Variants in SLC30A8 observed in about 807,000 individuals in gnomAD.
SLC30A8 encodes proton-coupled zinc antiporter SLC30A8.
In SLC30A8, 27 loss-of-function variants were observed where a neutral mutation model predicts 36.9. The ratio of observed to expected loss-of-function variants is 0.73; its 90% CI spans 0.54 to 1.01. The LOEUF is 1.01. Among genes scored for constraint, SLC30A8 ranks in the 50% least tolerant of loss-of-function variants. The pLI is 0.00. For synonymous variants in SLC30A8, 164 were observed against 172.4 expected, an observed-to-expected ratio of 0.95 and a Z score of 0.38; for missense variants, 439 against 452.0, an observed-to-expected ratio of 0.97 and a Z score of 0.26.
intron 1 of SLC30A8, among the ~76,000 whole-genome samples, chr8:116,995,225 G>A (rs947483664): frequency 2.0e-5 from 3 of 152,042 alleles, no homozygotes; most frequent in Non-Finnish European, 4.4e-5. Context: ...AAGGTTTAAT[G>A]CATCTTTGCT....
chr8:116,966,557 TTTC>T (rs1389515386), intron 1 of SLC30A8, among the ~76,000 whole-genome samples: 12 of 152,174 alleles, frequency 7.9e-5, no homozygotes, highest in Non-Finnish European at 2.9e-5. Flanking sequence ...TAAGTAATGT[TTTC>T]TTCTTCTCTG....
chr8:116,993,584 T>C (rs1026129093), intron 1 of SLC30A8, among the ~76,000 whole-genome samples: 1 of 152,014 alleles, frequency 6.6e-6, no homozygotes, highest in Admixed American at 6.6e-5. Flanking sequence ...ACCAAAATTA[T>C]TATGTTAAAA....
intron 2 of SLC30A8, among the ~76,000 whole-genome samples, chr8:117,061,058 C>T (rs997624176): frequency 6.6e-6 from 1 of 152,120 alleles, no homozygotes; most frequent in African/African-American, 2.4e-5. Context: ...CAAGCCTGCT[C>T]ATTTGCTTGG....
At chr8:117,014,505 G>A (rs983381815) in intron 1 of SLC30A8, among the ~76,000 whole-genome samples, 1 of 152,176 alleles carries the variant, frequency 6.6e-6, no homozygotes, top group African/African-American at 2.4e-5. Flanking sequence ...ATGCAAATAT[G>A]CTGAGCATAT....
chr8:117,163,300 A>T, intron 5 of SLC30A8, 125 bp from the exon 6 acceptor site: 1 of 670,630 alleles, frequency 1.5e-6, no homozygotes, highest in South Asian at 2.2e-5. Flanking sequence ...TGGATGACAC[A>T]TGTCAAAAGG....
At chr8:117,136,259 C>A (rs1219708438) in intron 1 of SLC30A8, among the ~76,000 whole-genome samples, 1 of 151,792 alleles carries the variant, frequency 6.6e-6, no homozygotes, top group Non-Finnish European at 1.5e-5. Flanking sequence ...TCCCAGACTT[C>A]GATAATTGCA....
At chr8:117,097,948 T>TTTAAATAAA (rs1428171070) in intron 2 of SLC30A8, among the ~76,000 whole-genome samples, 1,272 of 112,826 alleles carry the variant, frequency 0.011, 72 homozygotes, top group African/African-American at 0.037. Context: ...TAATATATAA[T>TTTAAATAAA]TTTAAATAAA....
At chr8:117,169,027 G>A (rs570072561) in intron 6 of SLC30A8, among the ~76,000 whole-genome samples, 43 of 152,186 alleles carry the variant, frequency 2.8e-4, no homozygotes, top group African/African-American at 1.0e-3. Context: ...TACACATAGT[G>A]GGCCCTCAAT....
intron 2 of SLC30A8, among the ~76,000 whole-genome samples, chr8:117,101,951 A>G (rs1468318017): frequency 6.6e-6 from 1 of 152,102 alleles, no homozygotes; most frequent in African/African-American, 2.4e-5. Context: ...CCATCTATCC[A>G]TTAGTTCTGT....
Position 117,170,344 on chromosome 8 carries a change from A to G in SLC30A8, c.830-690A>G, listed in dbSNP as rs979883534. Reference sequence around the variant, plus strand: ...CCCCAGGTGTTTGTGTTGTTTGTACATAACTGAAGTAGAGGCTAAAAAAGG... The same window carrying G: ...CCCCAGGTGTTTGTGTTGTTTGTACGTAACTGAAGTAGAGGCTAAAAAAGG... On this transcript the variant is annotated intron_variant, in intron 6 of 7. Coordinates refer to ENST00000456015, the MANE Select transcript of SLC30A8 (RefSeq NM_173851.3). Among the ~76,000 whole-genome samples the G allele has an allele frequency of 8.5e-5, 13 of 152,186 alleles. No individual in the cohort carries two copies. The East Asian group carries it at 1.7e-3, about 20-fold the overall frequency.
At chr8:117,003,311 C>T (rs1170734106) in intron 1 of SLC30A8, among the ~76,000 whole-genome samples, 3 of 152,184 alleles carry the variant, frequency 2.0e-5, no homozygotes, top group Non-Finnish European at 4.4e-5. Flanking sequence ...TGAGTACCTA[C>T]TAAGTGGTAG....
intron 5 of SLC30A8, among the ~76,000 whole-genome samples, chr8:117,163,037 T>C (rs1412091413): frequency 6.6e-6 from 1 of 152,250 alleles, no homozygotes; most frequent in African/African-American, 2.4e-5. Flanking sequence ...TTTCTTCTGC[T>C]CATTATAATT....
At chr8:117,138,208 G>A (rs928800022) in intron 1 of SLC30A8, among the ~76,000 whole-genome samples, 1 of 151,714 alleles carries the variant, frequency 6.6e-6, no homozygotes, top group African/African-American at 2.4e-5. Context: ...GAAGTGCAGA[G>A]GAAGTAAGGG....
chr8:117,055,529 T>G (rs1295946584), intron 2 of SLC30A8, among the ~76,000 whole-genome samples: 1 of 152,214 alleles, frequency 6.6e-6, no homozygotes, highest in African/African-American at 2.4e-5. Context: ...TCATTTTGAT[T>G]TAGATTACAA....
intron 1 of SLC30A8, among the ~76,000 whole-genome samples, chr8:116,970,685 A>G (rs1277481562): frequency 6.6e-6 from 1 of 152,222 alleles, no homozygotes; most frequent in Non-Finnish European, 1.5e-5. Context: ...CCAAAACGTC[A>G]TTATGTGGCT....
At chr8:116,973,502 G>A (rs10086046) in intron 1 of SLC30A8, among the ~76,000 whole-genome samples, 68,147 of 151,758 alleles carry the variant, frequency 0.45, 16,034 homozygotes, top group African/African-American at 0.59. Flanking sequence ...GACCTCTTCA[G>A]GGAGAACTAC....
chr8:117,110,069 G>A (rs772268212), intron 2 of SLC30A8, among the ~76,000 whole-genome samples: 2 of 151,990 alleles, frequency 1.3e-5, no homozygotes, highest in African/African-American at 2.4e-5. Flanking sequence ...TCTTCATTAC[G>A]CCTTGTAAGA....
chr8:116,959,768 GAC>G (rs1814353203), intron 1 of SLC30A8, among the ~76,000 whole-genome samples: 2 of 152,200 alleles, frequency 1.3e-5, no homozygotes, highest in South Asian at 4.1e-4. Context: ...GGCTGTTGGA[GAC>G]AGGCGCTATT....
chr8:116,986,348 C>A (rs1420435192), intron 1 of SLC30A8, among the ~76,000 whole-genome samples: 1 of 152,172 alleles, frequency 6.6e-6, no homozygotes, highest in Admixed American at 6.6e-5. Context: ...AACACCTCCT[C>A]ACCCTAGTGC....
Sources: gnomAD v4.1 joint callset for allele counts (sites outside exome capture counted in the v4.1 genomes callset) on GRCh38, gnomAD v4.1.1 for gene constraint, MANE v1.5 for transcripts, NCBI Gene and HGNC (gene_info 2026-07-23, HGNC 2026-07-21) for gene names.